Variants in DACH2 observed in about 807,000 individuals in gnomAD.
DACH2 encodes dachshund family transcription factor 2.
DACH2 carries 17 observed loss-of-function variants against 35.8 expected under a neutral mutation model. The ratio of observed to expected loss-of-function variants is 0.48; its 90% CI spans 0.33 to 0.71. The LOEUF is 0.71. DACH2 is among the 30% of genes least tolerant of loss of function. DACH2 has a pLI of 0.02. For missense variants in DACH2, 469 were observed against 472.7 expected, an observed-to-expected ratio of 0.99 and a Z score of 0.07; for synonymous variants, 195 against 177.3, an observed-to-expected ratio of 1.10 and a Z score of -0.79.
chrX:86,185,324 G>C, intron 1 of DACH2, among the ~76,000 whole-genome samples: 1 of 111,605 alleles, frequency 9.0e-6, no homozygotes, highest in Non-Finnish European at 1.9e-5. Context: ...TCAGAATATA[G>C]GGCAGCAAAG....
chrX:86,177,519 G>A (rs1569292113), intron 1 of DACH2, among the ~76,000 whole-genome samples: 1 of 111,713 alleles, frequency 9.0e-6, no homozygotes, highest in Non-Finnish European at 1.9e-5. Flanking sequence ...AATCATTGCA[G>A]AGCAAAGTTG....
At chrX:86,220,708 C>A (rs1000501333) in intron 1 of DACH2, among the ~76,000 whole-genome samples, 2 of 111,922 alleles carry the variant, frequency 1.8e-5, no homozygotes, top group African/African-American at 6.5e-5. Flanking sequence ...TTTCAAGATG[C>A]TGATTGTAAT....
At chrX:86,704,103 A>G (rs1188358343) in intron 5 of DACH2, among the ~76,000 whole-genome samples, 1 of 112,181 alleles carries the variant, frequency 8.9e-6, no homozygotes, top group Admixed American at 9.5e-5. Flanking sequence ...TGGTACTTAT[A>G]TGAATATAGA....
At position 86,595,239 on chromosome X, in the gene DACH2, T is replaced by G. The variant is rs1333201301; in HGVS notation, c.641-55797T>G. Among the ~76,000 whole-genome samples, 4 of 111,266 alleles carry G rather than the reference T, an allele frequency of 3.6e-5. No individual in the cohort carries two copies. In the South Asian group the frequency reaches 1.1e-3, roughly 32 times the overall value. On this transcript the variant is annotated intron_variant, in intron 3 of 11. Transcript: ENST00000373125. ...GCTCAAGCGATCCTCCCAAATAGCT[T>G]GGACTACAGTTGTGCATCATCCTGT...
intron 3 of DACH2, among the ~76,000 whole-genome samples, chrX:86,608,359 C>T (rs2039887118): frequency 9.0e-6 from 1 of 111,633 alleles, no homozygotes; most frequent in African/African-American, 3.3e-5. Context: ...TTCAGTGTGG[C>T]GATTCCTCAG....
In DACH2 at chrX:86,722,034, GAC is replaced by G. The variant is rs1215364966; in HGVS notation, c.1104+7318_1104+7319del. ...CTATTCAAGGTAAGATTTGTGTGGG[GAC>G]ACAGAGCCAGACCTTATTACTGGGA... On this transcript the variant is annotated intron_variant, in intron 6 of 11. Transcript: ENST00000373125. 3.6e-5 allele frequency among the ~76,000 whole-genome samples: 4 copies of G among 112,004 alleles called. No homozygotes were observed. The East Asian group carries it at 1.1e-3, about 32-fold the overall frequency.
intron 1 of DACH2, among the ~76,000 whole-genome samples, chrX:86,200,262 T>A (rs1455399080): frequency 9.0e-6 from 1 of 111,194 alleles, no homozygotes; most frequent in Non-Finnish European, 1.9e-5. Context: ...ACCCCTTCCT[T>A]ACACCATATA....
chrX:86,598,842 T>C (rs2039747405), intron 3 of DACH2, among the ~76,000 whole-genome samples: 1 of 108,659 alleles, frequency 9.2e-6, no homozygotes, highest in African/African-American at 3.4e-5. Flanking sequence ...CTAGGGTACA[T>C]GTGCACAATG....
At chrX:86,674,699 C>A (rs2040807327) in intron 4 of DACH2, among the ~76,000 whole-genome samples, 2 of 111,822 alleles carry the variant, frequency 1.8e-5, no homozygotes, top group Admixed American at 9.5e-5. Flanking sequence ...TACCCTTCTG[C>A]ATTTTTTCTT....
chrX:86,443,714 T>C (rs953077399), intron 2 of DACH2, among the ~76,000 whole-genome samples: 1 of 111,583 alleles, frequency 9.0e-6, no homozygotes, highest in Admixed American at 9.6e-5. Flanking sequence ...TGGAGTTATT[T>C]TGAATTTTGT....
chrX:86,383,586 C>T (rs916556246), intron 2 of DACH2, among the ~76,000 whole-genome samples: 10 of 98,653 alleles, frequency 1.0e-4, no homozygotes, highest in Non-Finnish European at 1.8e-4. Context: ...TTGCCAAGGA[C>T]GGCATCTAGA....
chrX:86,443,219 C>G (rs1445663744), intron 2 of DACH2, among the ~76,000 whole-genome samples: 1 of 111,539 alleles, frequency 9.0e-6, no homozygotes, highest in African/African-American at 3.3e-5. Context: ...TTTATTTGTG[C>G]CTTCTTCAAT....
Position 86,571,359 on chromosome X carries a change from C to T in DACH2, c.640+56968C>T, listed in dbSNP as rs896108223. ...ATGTGCACAACGTGCAGGTTTGTTA[C>T]ATATGTATACATGTGCCATGTTGGT... is the stretch of plus-strand genomic sequence containing the variant. On this transcript the variant is annotated intron_variant, in intron 3 of 11. Transcript: ENST00000373125. 2.7e-5 allele frequency among the ~76,000 whole-genome samples: 3 copies of T among 110,166 alleles called. No individual in the cohort carries two copies. In the Admixed American group the frequency reaches 2.9e-4, roughly 11 times the overall value.
At chrX:86,257,346 G>T (rs1185121412) in intron 1 of DACH2, among the ~76,000 whole-genome samples, 1 of 112,198 alleles carries the variant, frequency 8.9e-6, no homozygotes, top group African/African-American at 3.2e-5. Flanking sequence ...CTAAGAAATG[G>T]TCTTCCTCTT....
chrX:86,467,221 C>G (rs1423025194), intron 2 of DACH2, among the ~76,000 whole-genome samples: 2 of 111,550 alleles, frequency 1.8e-5, no homozygotes, highest in African/African-American at 6.5e-5. Flanking sequence ...GAATGCTTTG[C>G]TACTTAGAAA....
chrX:86,807,414 CTG>C (rs1279156749), intron 7 of DACH2, among the ~76,000 whole-genome samples: 6 of 111,440 alleles, frequency 5.4e-5, no homozygotes, highest in Non-Finnish European at 1.1e-4. Context: ...GATAAAGAAA[CTG>C]AGGCATAGAA....
At chrX:86,721,208 T>C (rs2041403033) in intron 6 of DACH2, among the ~76,000 whole-genome samples, 1 of 112,487 alleles carries the variant, frequency 8.9e-6, no homozygotes, top group Non-Finnish European at 1.9e-5. Context: ...TCATTACGTA[T>C]GCAAGTTTAT....
chrX:86,643,865 A>G (rs776994710), intron 3 of DACH2, among the ~76,000 whole-genome samples: 1 of 111,817 alleles, frequency 8.9e-6, no homozygotes, highest in South Asian at 3.7e-4. Flanking sequence ...GACAAAAACC[A>G]AATGATTATC....
rs773066465 is a variant in DACH2, at chrX:86,605,494, TA to T, written c.641-45534del. ...ATAGTTTCCTATAAAAAGTCTGATT[TA>T]AAAAAAATCTTTGTTCTTTTATACG... On this transcript the variant is annotated intron_variant, in intron 3 of 11. Transcript: ENST00000373125. Among the ~76,000 whole-genome samples the T allele has an allele frequency of 5.6e-4, 62 of 111,200 alleles. 1 individual carries two copies. The East Asian group carries it at 0.014, about 26-fold the overall frequency.
Sources: allele counts gnomAD v4.1 joint callset (sites outside exome capture counted in the v4.1 genomes callset), GRCh38; gene constraint gnomAD v4.1.1; transcripts MANE v1.5; gene names NCBI Gene and HGNC (gene_info 2026-07-23, HGNC 2026-07-21).